TMEM150C: variants seen among roughly 807,000 people sequenced by gnomAD.
The protein encoded by TMEM150C is transmembrane protein 150C.
Under a neutral mutation model 29.9 loss-of-function variants are expected in TMEM150C, and 10 were observed. The ratio of observed to expected loss-of-function variants is 0.33; its 90% confidence interval spans 0.21 to 0.57. The LOEUF (loss-of-function observed/expected upper bound fraction) is 0.57, where lower values mean the gene tolerates loss of function less well. Ranked by LOEUF, TMEM150C falls within the 20% of genes least tolerant of loss-of-function variation. The pLI is 0.88. For missense variants in TMEM150C, 251 were observed against 303.6 expected, an observed-to-expected ratio of 0.83 and a Z score of 1.29; for synonymous variants, 101 against 112.5, an observed-to-expected ratio of 0.90 and a Z score of 0.64.
chr4:82,521,271 G>A (rs1435045221), intron 1 of TMEM150C, among the ~76,000 whole-genome samples: 5 of 152,120 alleles, frequency 3.3e-5, no homozygotes, highest in Non-Finnish European at 5.9e-5. Context: ...CAAGCTCCAC[G>A]AGGGTAGGGA....
chr4:82,489,194 A>G (rs1370000682), intron 7 of TMEM150C, among the ~76,000 whole-genome samples: 1 of 149,046 alleles, frequency 6.7e-6, no homozygotes, highest in Non-Finnish European at 1.5e-5. Flanking sequence ...ACTCCACTCC[A>G]TGGAATGAGT....
chr4:82,523,011 C>T (rs1300545400), intron 1 of TMEM150C, among the ~76,000 whole-genome samples: 1 of 152,032 alleles, frequency 6.6e-6, no homozygotes, highest in Non-Finnish European at 1.5e-5. Context: ...GGTTCAGGAG[C>T]CCTGACCAAA....
chr4:82,508,766 C>T (rs1476172942), intron 1 of TMEM150C, among the ~76,000 whole-genome samples: 2 of 151,778 alleles, frequency 1.3e-5, no homozygotes, highest in African/African-American at 2.4e-5. Flanking sequence ...GCACCTGGCC[C>T]GTACTTCTTT....
At chr4:82,489,433 G>T (rs1723262166) in intron 7 of TMEM150C, among the ~76,000 whole-genome samples, 1 of 151,974 alleles carries the variant, frequency 6.6e-6, no homozygotes, top group Admixed American at 6.6e-5. Context: ...TTCCTTTCCA[G>T]GTTTACTAGG....
At chr4:82,539,497 G>C (rs1471702475) in intron 1 of TMEM150C, among the ~76,000 whole-genome samples, 1 of 150,802 alleles carries the variant, frequency 6.6e-6, no homozygotes, top group African/African-American at 2.5e-5. Flanking sequence ...CTGTCGCCCA[G>C]GCTGGAGTGC....
At chr4:82,541,632 A>C (rs1425972637) in intron 1 of TMEM150C, among the ~76,000 whole-genome samples, 1 of 152,200 alleles carries the variant, frequency 6.6e-6, no homozygotes, top group Non-Finnish European at 1.5e-5. Flanking sequence ...TGAGGAGCCC[A>C]AAATAAGCCA....
intron 1 of TMEM150C, among the ~76,000 whole-genome samples, chr4:82,534,560 T>C (rs181104063): frequency 2.2e-4 from 33 of 152,362 alleles, no homozygotes; most frequent in Admixed American, 9.1e-4. Context: ...TTATCAATTC[T>C]GTGCAGATTA....
At chr4:82,551,281 A>G (rs1022956101) in intron 1 of TMEM150C, among the ~76,000 whole-genome samples, 1 of 152,182 alleles carries the variant, frequency 6.6e-6, no homozygotes, top group East Asian at 1.9e-4. Context: ...CACATACAGC[A>G]TACACTATAC....
Position 82,483,958 on chromosome 4 carries a change from T to C in TMEM150C, c.*1553A>G, listed in dbSNP as rs1242903601. The C allele has an allele frequency of 6.6e-6, 1 of 151,776 alleles. No individual in the cohort carries two copies. The highest frequency in any genetic ancestry group is 1.5e-5 in the Non-Finnish European group (1 of 67,974). 9.4% of individuals were successfully genotyped at this position (151,776 alleles called of 1,614,324 possible). A position where few individuals can be genotyped will look rare whatever the true frequency, so the allele number is the denominator to read the frequency against. On this transcript the variant is annotated 3_prime_UTR_variant, in exon 8 of 8. Coordinates refer to ENST00000449862, the MANE Select transcript of TMEM150C (RefSeq NM_001080506.3). The stretch of plus-strand genomic sequence containing the variant: ...GCATGCGCCACCACACCAGGCTAAT[T>C]TTGTATTTTTTTTAGTAGAGACGGG...
intron 1 of TMEM150C, among the ~76,000 whole-genome samples, chr4:82,536,611 G>A (rs1286524383): frequency 1.3e-5 from 2 of 151,736 alleles, no homozygotes; most frequent in Non-Finnish European, 2.9e-5. Context: ...GCATGATGGT[G>A]CATGCCTGTA....
At chr4:82,500,623 A>T (rs1169209721) in intron 5 of TMEM150C, among the ~76,000 whole-genome samples, 1 of 152,210 alleles carries the variant, frequency 6.6e-6, no homozygotes, top group Non-Finnish European at 1.5e-5. Context: ...GACAAATATC[A>T]TCTGGAAGAG....
At chr4:82,494,398 G>A (rs766483496) in intron 6 of TMEM150C, among the ~76,000 whole-genome samples, 1 of 152,166 alleles carries the variant, frequency 6.6e-6, no homozygotes, top group Non-Finnish European at 1.5e-5. Flanking sequence ...GTTAGGAGTA[G>A]CATATCTTTA....
intron 5 of TMEM150C, among the ~76,000 whole-genome samples, chr4:82,501,545 G>C (rs181282786): frequency 6.6e-6 from 1 of 152,314 alleles, no homozygotes; most frequent in East Asian, 1.9e-4. Flanking sequence ...GTTAGCTCCA[G>C]GGAAGAATCT....
chr4:82,529,297 CT>C (rs201395779), intron 1 of TMEM150C, among the ~76,000 whole-genome samples: 6,199 of 95,836 alleles, frequency 0.065, 446 homozygotes, highest in African/African-American at 0.2. Flanking sequence ...CTTCCTTTTT[CT>C]TTTTTTTTGA....
At chr4:82,557,895 AT>A (rs1055259310) in intron 1 of TMEM150C, among the ~76,000 whole-genome samples, 5 of 150,338 alleles carry the variant, frequency 3.3e-5, no homozygotes, top group African/African-American at 4.9e-5. Context: ...TGCGCAGCTA[AT>A]TTTTTTTTGT....
At chr4:82,552,173 G>C (rs1190465609) in intron 1 of TMEM150C, among the ~76,000 whole-genome samples, 1 of 152,156 alleles carries the variant, frequency 6.6e-6, no homozygotes, top group Admixed American at 6.5e-5. Flanking sequence ...TTGGCACCAT[G>C]CTTCTCGTAC....
chr4:82,545,597 ATC>A (rs1207800667), intron 1 of TMEM150C, among the ~76,000 whole-genome samples: 1 of 152,192 alleles, frequency 6.6e-6, no homozygotes, highest in East Asian at 1.9e-4. Flanking sequence ...AAGTCAAACT[ATC>A]TCTCTTTGTG....
intron 1 of TMEM150C, 121 bp downstream of exon 1, chr4:82,561,785 C>CCCCAGCCGCGCTGCAGCCCCCGCCGT: frequency 2.1e-5 from 16 of 753,624 alleles, no homozygotes; most frequent in Non-Finnish European, 2.6e-5. Flanking sequence ...GACCCAGCCG[C>CCCCAGCCGCGCTGCAGCCCCCGCCGT]CCCAGCCGCG....
intron 1 of TMEM150C, among the ~76,000 whole-genome samples, chr4:82,518,445 T>TA (rs1392789923): frequency 6.6e-6 from 1 of 152,230 alleles, no homozygotes. Flanking sequence ...GCACTGGGCT[T>TA]TGTCCTGGGC....
Sources: gnomAD v4.1 joint callset for allele counts (sites outside exome capture counted in the v4.1 genomes callset) on GRCh38, gnomAD v4.1.1 for gene constraint, MANE v1.5 for transcripts, NCBI Gene and HGNC (gene_info 2026-07-23, HGNC 2026-07-21) for gene names.